The following ESYT1 variants were observed in gnomAD, a reference collection of about 807,000 sequenced individuals.
ESYT1 encodes the protein extended synaptotagmin-1.
A neutral mutation model predicts 154.2 loss-of-function variants in ESYT1; 116 were observed. The observed-to-expected ratio is 0.75, with a 90% CI of 0.65 to 0.88. ESYT1 has a LOEUF of 0.88. Ranked by LOEUF, ESYT1 falls within the 40% of genes least tolerant of loss-of-function variation. The pLI, the probability that ESYT1 is intolerant of heterozygous loss-of-function variation, is 0.00. For synonymous variants in ESYT1, 500 were observed against 539.9 expected, an observed-to-expected ratio of 0.93 and a Z score of 1.02; for missense variants, 1,264 against 1,379.3, an observed-to-expected ratio of 0.92 and a Z score of 1.32.
rs998465348 is a variant in ESYT1, at chr12:56,138,755, A to G, written c.2434-13A>G. ...GGTCCAAATTTAAGACTAACACAGTATTGTCTTTCTAGCTGCGAAAAGGCA... is the reference window on the plus strand; with the variant it reads ...GGTCCAAATTTAAGACTAACACAGTGTTGTCTTTCTAGCTGCGAAAAGGCA... On this transcript the variant is annotated splice_polypyrimidine_tract_variant and intron_variant, in intron 22 of 30. Transcript: ENST00000394048. 2.5e-6 allele frequency: 4 copies of G among 1,612,682 alleles called. No individual in the cohort carries two copies. The Admixed American group carries it at 6.7e-5, about 27-fold the overall frequency.
At position 56,134,386 on chromosome 12, in the gene ESYT1, G is replaced by A. The variant is rs1350155998; in HGVS notation, c.1590G>A (p.Arg530=). 2 of 1,613,978 alleles carry A rather than the reference G, an allele frequency of 1.2e-6. No individual in the cohort carries two copies. The highest frequency in any genetic ancestry group is 2.7e-5 in the African/African-American group (2 of 74,884). ...GCCCAGTGTGGGAGGAAGCGTTCCG[G>A]TTCTTCCTACAAGACCCTCAAAGCC... The part of the protein sequence containing the change: ...TNCPVWEEAF[R]FFLQDPQSQE... The change falls in exon 15 of 31, where the codon CGG becomes CGA. Residue 530 remains arginine (R), a synonymous_variant. Coordinates refer to ENST00000394048, the MANE Select transcript of ESYT1 (RefSeq NM_015292.3).
intron 16 of ESYT1, 56 bp downstream of exon 16, chr12:56,136,949 T>TA: frequency 6.5e-7 from 1 of 1,526,790 alleles, no homozygotes; most frequent in Non-Finnish European, 8.8e-7. Context: ...GATTCTTTGG[T>TA]ATTAAGAGTA....
At chr12:56,135,103 T>C (rs1422717701) in intron 15 of ESYT1, among the ~76,000 whole-genome samples, 1 of 151,822 alleles carries the variant, frequency 6.6e-6, no homozygotes, top group African/African-American at 2.4e-5. Flanking sequence ...ATTCTGAGGC[T>C]GGGCACGGTA....
In ESYT1 at chr12:56,134,371, G is replaced by A; in HGVS notation, c.1575G>A (p.Trp525Ter). 1.2e-6 allele frequency: 2 copies of A among 1,614,120 alleles called. No homozygotes were observed. Among genetic ancestry groups the A allele is most frequent in the Non-Finnish European group, 1.7e-6 (2 of 1,180,016 alleles). Residue 525 changes from tryptophan to a stop codon, truncating the protein, a stop_gained, in exon 15 of 31, where the codon TGG becomes TGA. Coordinates refer to ENST00000394048, the MANE Select transcript of ESYT1 (RefSeq NM_015292.3). LOFTEE classifies it high-confidence loss of function. ...TCTACAGTACCAACTGCCCAGTGTG[G>A]GAGGAAGCGTTCCGGTTCTTCCTAC... Reference protein sequence around the residue: ...KAVYSTNCPVWEEAFRFFLQD... With the variant: ...KAVYSTNCPV
rs374922270 is a variant in ESYT1 at position 56,142,369 on chromosome 12, C to T, written c.2677C>T (p.Arg893Cys). 6.1e-5 allele frequency: 99 copies of T among 1,613,972 alleles called. No homozygotes were observed. Among genetic ancestry groups the T allele is most frequent in the East Asian group, 8.9e-5 (4 of 44,886 alleles). ...LLVADQLCLD[R>C]WFTLSSGQGQ... Reference sequence around the variant, plus strand: ...CGTGGCTGACCAGCTCTGCTTGGACCGCTGGTTTACACTCAGCAGTGGTCA... The same window carrying T: ...CGTGGCTGACCAGCTCTGCTTGGACTGCTGGTTTACACTCAGCAGTGGTCA... Residue 893 changes from arginine to cysteine, a missense_variant, in exon 25 of 31, where the codon CGC becomes TGC. Arg to Cys is a radical substitution (Grantham distance 180). Coordinates refer to ENST00000394048, the MANE Select transcript of ESYT1 (RefSeq NM_015292.3). This position sits in a 1 kb window ranked among gnomAD's most constrained non-coding sequence, Gnocchi z 4.1.
At position 56,130,307 on chromosome 12, in the gene ESYT1, CCT is replaced by C. The variant is rs200845581; in HGVS notation, c.391-265_391-264del. On this transcript the variant is annotated intron_variant, in intron 1 of 30. Coordinates refer to ENST00000394048, the MANE Select transcript of ESYT1 (RefSeq NM_015292.3). ...AATGCGCCCTTCTCCTCCTCCCGCTCCTCTCTCTCTCAGCAGCTGTCATTTCA... is the reference window on the plus strand; with the variant it reads ...AATGCGCCCTTCTCCTCCTCCCGCTCCTCTCTCTCAGCAGCTGTCATTTCA... 2,992 of 546,688 alleles carry C rather than the reference CCT, an allele frequency of 5.5e-3. 17 individuals are homozygous for C. The highest frequency in any genetic ancestry group is 7.1e-3 in the Non-Finnish European group (2,160 of 303,734). 33.9% of individuals were successfully genotyped at this position (546,688 alleles called of 1,614,324 possible).
chr12:56,132,121 GTC>G, intron 7 of ESYT1, 86 bp from the exon 8 acceptor site: 1 of 1,592,470 alleles, frequency 6.3e-7, no homozygotes, highest in South Asian at 1.1e-5. Context: ...ACAGCTTTAG[GTC>G]TCTCTTGGGT....
chr12:56,128,398 C>G lies in ESYT1; in HGVS notation c.79C>G (p.Pro27Ala). The G allele has an allele frequency of 6.2e-7, 1 of 1,611,050 alleles. No homozygotes were observed. Among genetic ancestry groups the G allele is most frequent in the East Asian group, 2.2e-5 (1 of 44,874 alleles). Reference protein sequence around the residue: ...PSAPSDPTDQPPAAHAKPDPG... With the variant: ...PSAPSDPTDQAPAAHAKPDPG... ...TGCTCCCTCCGACCCCACTGACCAG[C>G]CCCCCGCTGCTCACGCAAAGCCAGA... Residue 27 changes from proline to alanine, a missense_variant, in exon 1 of 31, where the codon CCC becomes GCC. Pro to Ala is a conservative substitution (Grantham distance 27). Coordinates refer to ENST00000394048, the MANE Select transcript of ESYT1 (RefSeq NM_015292.3).
chr12:56,138,650 A>G (rs957573780), intron 22 of ESYT1, 118 bp from the exon 23 acceptor site: 8 of 1,292,656 alleles, frequency 6.2e-6, no homozygotes, highest in Non-Finnish European at 8.9e-6. Context: ...GTTCAAGGCC[A>G]CGGGTAGTGG....
chr12:56,144,084 G>A lies in ESYT1; in HGVS notation c.*222G>A, dbSNP rs895762014. On this transcript the variant is annotated 3_prime_UTR_variant, in exon 31 of 31. Transcript: ENST00000394048. ...TATCCTTCTGGGCCCCTGGGGCGGG[G>A]ACCTGAGCTGGCTGTTTCCTGCTTT... 17 of 1,423,676 alleles carry A rather than the reference G, an allele frequency of 1.2e-5. No individual in the cohort carries two copies. Among genetic ancestry groups the A allele is most frequent in the Admixed American group, 5.8e-5 (2 of 34,514 alleles). The allele number at this position is 1,423,676 out of a possible 1,614,324, so 88.2% of individuals were successfully genotyped here.
rs1270221790 is a variant in ESYT1, at chr12:56,142,417, C to G, written c.2725C>G (p.Gln909Glu). 1 of 1,612,268 alleles carries G rather than the reference C, an allele frequency of 6.2e-7. No individual in the cohort carries two copies. Residue 909 changes from glutamine (Q) to glutamate (E), a missense_variant, in exon 25 of 31, where the codon CAG (glutamine) becomes GAG (glutamate). Physicochemically the swap from Gln to Glu is conservative, Grantham distance 29 (BLOSUM62 2). Coordinates refer to ENST00000394048, the MANE Select transcript of ESYT1 (RefSeq NM_015292.3). The surrounding 1 kb of genome is among the most constrained non-coding windows in gnomAD (Gnocchi z 4.1). ...TCAGGGGCAGGTGCTACTGAGAGCA[C>G]AGCTAGGGGTGAGTGACAGGAGATG... ...SGQGQVLLRA[Q>E]LGILVSQHSG...
Position 56,142,764 on chromosome 12 carries a change from G to A in ESYT1, c.2888+32G>A, listed in dbSNP as rs757739531. ...GGCTGGGACAGGAAGGTGGGACGCA[G>A]TCAGAAATAAAAAGTATTACAGGTT... On this transcript the variant is annotated intron_variant, in intron 26 of 30. Transcript: ENST00000394048. This position sits in a 1 kb window ranked among gnomAD's most constrained non-coding sequence, Gnocchi z 4.1. 2 of 1,613,088 alleles carry A rather than the reference G, an allele frequency of 1.2e-6. No individual in the cohort carries two copies. The highest frequency in any genetic ancestry group is 2.2e-5 in the East Asian group (1 of 44,888).
At chr12:56,143,558 C>T (rs776020900) in intron 29 of ESYT1, 22 bp from the exon 30 acceptor site, 65 of 1,613,724 alleles carry the variant, frequency 4.0e-5, no homozygotes, top group Admixed American at 2.5e-4. Flanking sequence ...TAACATCTTT[C>T]CCCTATCATC....
At position 56,134,371 on chromosome 12, in the gene ESYT1, G is replaced by C; in HGVS notation, c.1575G>C (p.Trp525Cys). The change falls in exon 15 of 31, where the codon TGG becomes TGC. Residue 525 changes from tryptophan (W) to cysteine (C), a missense_variant. Coordinates refer to ENST00000394048, the MANE Select transcript of ESYT1 (RefSeq NM_015292.3). Reference protein sequence around the residue: ...KAVYSTNCPVWEEAFRFFLQD... With the variant: ...KAVYSTNCPVCEEAFRFFLQD... ...TCTACAGTACCAACTGCCCAGTGTG[G>C]GAGGAAGCGTTCCGGTTCTTCCTAC... The C allele has an allele frequency of 1.2e-6, 2 of 1,614,120 alleles. No individual in the cohort carries two copies.
Position 56,136,869 on chromosome 12 carries a change from A to C in ESYT1, c.1758A>C (p.Arg586Ser). Reference protein sequence around the residue: ...FQLSSSGPNSRLYMKLVMRIL... With the variant: ...FQLSSSGPNSSLYMKLVMRIL... ...TCAGCAGCTCTGGTCCAAACTCCAG[A>C]CTCTATATGAAACTAGTCATGAGGG... The change falls in exon 16 of 31, where the codon AGA becomes AGC. Residue 586 changes from arginine (R) to serine (S), a missense_variant. Transcript: ENST00000394048. 1 of 1,607,792 alleles carries C rather than the reference A, an allele frequency of 6.2e-7. No homozygotes were observed.
At position 56,138,084 on chromosome 12, in the gene ESYT1, G is replaced by T. The variant is rs1486419137; in HGVS notation, c.2247+10G>T. ...TGGCTTCCTTGATGAGGTGAGCATT[G>T]AATTAGAGTCAACAACCCCTCCTGA... On this transcript the variant is annotated intron_variant, in intron 20 of 30. Coordinates refer to ENST00000394048, the MANE Select transcript of ESYT1 (RefSeq NM_015292.3). The T allele has an allele frequency of 1.2e-6, 2 of 1,614,012 alleles. No individual in the cohort carries two copies. The highest frequency in any genetic ancestry group is 1.7e-6 in the Non-Finnish European group (2 of 1,179,982).
chr12:56,137,151 C>A, intron 16 of ESYT1, 67 bp from the exon 17 acceptor site: 2 of 1,588,718 alleles, frequency 1.3e-6, no homozygotes, highest in South Asian at 2.3e-5. Context: ...TCTACCCCAC[C>A]CCACATGCTT....
Position 56,142,239 on chromosome 12 carries a change from T to C in ESYT1, c.2593-46T>C, listed in dbSNP as rs1191514498. On this transcript the variant is annotated intron_variant, in intron 24 of 30. Transcript: ENST00000394048. The surrounding 1 kb of genome is among the most constrained non-coding windows in gnomAD (Gnocchi z 4.1). ...CCTTTAAAACACCAGGATTAACTCA[T>C]TTGTTGATGCATTCGCCTCTTGATC... The C allele has an allele frequency of 2.3e-5, 37 of 1,605,510 alleles. No individual in the cohort carries two copies. Among genetic ancestry groups the C allele is most frequent in the Non-Finnish European group, 3.1e-5 (36 of 1,174,430 alleles).
In ESYT1 at chr12:56,132,201, C is replaced by T. The variant is rs1870263119; in HGVS notation, c.861-8C>T. Reference sequence around the variant, plus strand: ...GCCATACCCACTCCTTTCTACTCCCCCATTCAGCTCACTCTCTGACACCAT... The same window carrying T: ...GCCATACCCACTCCTTTCTACTCCCTCATTCAGCTCACTCTCTGACACCAT... On this transcript the variant is annotated splice_region_variant and splice_polypyrimidine_tract_variant and intron_variant, in intron 7 of 30. Transcript: ENST00000394048. The T allele has an allele frequency of 1.2e-6, 2 of 1,614,146 alleles. No homozygotes were observed. The highest frequency in any genetic ancestry group is 8.5e-7 in the Non-Finnish European group (1 of 1,180,014).
Sources: allele counts gnomAD v4.1 joint callset (sites outside exome capture counted in the v4.1 genomes callset), GRCh38; gene constraint gnomAD v4.1.1; non-coding constraint Gnocchi (gnomAD v3.1); transcripts MANE v1.5; gene names NCBI Gene and HGNC (gene_info 2026-07-23, HGNC 2026-07-21).